Variants in LPIN1 observed in about 807,000 individuals in gnomAD.
The protein encoded by LPIN1 is phosphatidate phosphatase LPIN1.
LPIN1 carries 71 observed loss-of-function variants against 107.5 expected under a neutral mutation model. That is an observed-to-expected ratio of 0.66 (90% CI 0.55 to 0.80). The LOEUF (loss-of-function observed/expected upper bound fraction) is 0.80. Ranked by LOEUF, LPIN1 falls within the 30% of genes least tolerant of loss-of-function variation. The pLI, the probability that LPIN1 is intolerant of heterozygous loss-of-function variation, is 0.00. For synonymous variants in LPIN1, 445 were observed against 452.6 expected, an observed-to-expected ratio of 0.98 and a Z score of 0.21; for missense variants, 1,043 against 1,160.6, an observed-to-expected ratio of 0.90 and a Z score of 1.47.
chr2:11,796,639 G>A (rs964602047), intron 14 of LPIN1, among the ~76,000 whole-genome samples: 4 of 152,042 alleles, frequency 2.6e-5, no homozygotes, highest in African/African-American at 9.7e-5. Flanking sequence ...CTGACCCACC[G>A]CTGGTCTGTG....
At chr2:11,821,512 G>T (rs1039104698) in intron 20 of LPIN1, among the ~76,000 whole-genome samples, 7 of 152,208 alleles carry the variant, frequency 4.6e-5, no homozygotes, top group African/African-American at 1.7e-4. Flanking sequence ...GCTAGACTCT[G>T]TCTCAAAAAA....
chr2:11,713,459 CA>C (rs527237024), intron 1 of LPIN1, among the ~76,000 whole-genome samples: 160 of 152,270 alleles, frequency 1.1e-3, no homozygotes, highest in Non-Finnish European at 5.9e-4. Flanking sequence ...TTAGTAGAGA[CA>C]GGGTTTTGCC....
At chr2:11,714,181 G>A (rs189906700) in intron 2 of LPIN1, among the ~76,000 whole-genome samples, 24 of 152,266 alleles carry the variant, frequency 1.6e-4, no homozygotes, top group Non-Finnish European at 2.5e-4. Context: ...GATCCTTACC[G>A]CAAATGCAGT....
intron 9 of LPIN1, chr2:11,784,407 G>A (rs1056490722): frequency 2.7e-6 from 3 of 1,113,388 alleles, no homozygotes; most frequent in South Asian, 4.8e-5. Context: ...GGTACTGGGC[G>A]GCGCCCCACC....
intron 1 of LPIN1, among the ~76,000 whole-genome samples, chr2:11,755,730 T>C (rs1209396271): frequency 6.6e-6 from 1 of 151,758 alleles, no homozygotes; most frequent in Non-Finnish European, 1.5e-5. Flanking sequence ...GTTCTTTTTT[T>C]TTTTTTTTTG....
At chr2:11,804,673 C>T (rs576372395) in intron 16 of LPIN1, 102 bp downstream of exon 16, 44 of 1,281,130 alleles carry the variant, frequency 3.4e-5, no homozygotes, top group Middle Eastern at 2.6e-4. Context: ...GGGACTTGCA[C>T]GGTTCGAATT....
intron 1 of LPIN1, among the ~76,000 whole-genome samples, chr2:11,687,143 A>G (rs1367923947): frequency 1.3e-5 from 2 of 151,838 alleles, no homozygotes; most frequent in East Asian, 1.9e-4. Context: ...GACAACAGGT[A>G]CACACCATCA....
At chr2:11,732,973 G>A (rs142265945) in intron 1 of LPIN1, among the ~76,000 whole-genome samples, 238 of 150,824 alleles carry the variant, frequency 1.6e-3, no homozygotes, top group African/African-American at 5.6e-3. Context: ...AGGTCCCTCC[G>A]ACCAATATTT....
At position 11,782,383 on chromosome 2, in the gene LPIN1, T is replaced by A; in HGVS notation, c.1140T>A (p.Asn380Lys). 3.1e-6 allele frequency: 5 copies of A among 1,614,202 alleles called. No individual in the cohort carries two copies. The highest frequency in any genetic ancestry group is 4.2e-6 in the Non-Finnish European group (5 of 1,180,028). The change falls in exon 8 of 21, where the codon AAT becomes AAA. Residue 380 changes from asparagine (N) to lysine (K), a missense_variant. Coordinates refer to ENST00000674199, the MANE Select transcript of LPIN1 (RefSeq NM_001349206.2). ...NKPQTEMQFVNEEDLETLGAA... is the reference protein window; with the variant it reads ...NKPQTEMQFVKEEDLETLGAA... ...CTCAGACAGAAATGCAGTTTGTGAATGAAGAAGACCTGGAGACCTTAGGAG... is the reference window on the plus strand; with the variant it reads ...CTCAGACAGAAATGCAGTTTGTGAAAGAAGAAGACCTGGAGACCTTAGGAG...
rs115521500 is a variant in LPIN1, at chr2:11,783,835, G to A, written c.1271G>A (p.Arg424Gln). The part of the protein sequence containing the change: ...TDSPSRKRDK[R>Q]SRHLGADGVY... ...GAGCCATTTGCCGTTTTAGATAAAC[G>A]AAGCCGACATCTTGGTGCTGACGGC... The change falls in exon 9 of 21, where the codon CGA becomes CAA. Residue 424 changes from arginine (R) to glutamine (Q), a missense_variant. By Grantham distance (43) the Arg-to-Gln change is conservative (BLOSUM62 1). Coordinates refer to ENST00000674199, the MANE Select transcript of LPIN1 (RefSeq NM_001349206.2). The A allele has an allele frequency of 1.2e-4, 199 of 1,614,070 alleles. No homozygotes were observed. Among genetic ancestry groups the A allele is most frequent in the South Asian group, 2.0e-4 (18 of 91,082 alleles).
At chr2:11,804,998 T>C (rs894140531) in intron 16 of LPIN1, 72 bp from the exon 17 acceptor site, 6 of 900,292 alleles carry the variant, frequency 6.7e-6, no homozygotes, top group Admixed American at 6.0e-5. Context: ...TTTTTTTTTT[T>C]ATGAGGCATG....
intron 1 of LPIN1, among the ~76,000 whole-genome samples, chr2:11,702,833 G>C (rs1459225961): frequency 6.6e-6 from 1 of 152,090 alleles, no homozygotes; most frequent in African/African-American, 2.4e-5. Context: ...AGCTACTCTT[G>C]TTTGCCAATC....
chr2:11,789,701 C>T (rs549733410), intron 12 of LPIN1, among the ~76,000 whole-genome samples: 1 of 152,216 alleles, frequency 6.6e-6, no homozygotes, highest in East Asian at 1.9e-4. Flanking sequence ...TTTGTCCCTG[C>T]CATGGTATCC....
intron 14 of LPIN1, among the ~76,000 whole-genome samples, chr2:11,797,706 T>C (rs181336428): frequency 1.2e-4 from 18 of 152,370 alleles, no homozygotes; most frequent in African/African-American, 4.1e-4. Context: ...AGGAAGCAAC[T>C]CACTTGCTTT....
At chr2:11,704,393 CG>C (rs1663026717) in intron 1 of LPIN1, among the ~76,000 whole-genome samples, 1 of 152,160 alleles carries the variant, frequency 6.6e-6, no homozygotes, top group Admixed American at 6.5e-5. Flanking sequence ...AGGCCCCACC[CG>C]GGGGAGGCAG....
intron 7 of LPIN1, among the ~76,000 whole-genome samples, chr2:11,779,942 T>C (rs1238297799): frequency 6.6e-6 from 1 of 151,784 alleles, no homozygotes; most frequent in Non-Finnish European, 1.5e-5. Context: ...GGGCAATGGC[T>C]CTATCTTGGC....
intron 1 of LPIN1, among the ~76,000 whole-genome samples, chr2:11,679,819 CT>C (rs1661616295): frequency 6.6e-6 from 1 of 152,244 alleles, no homozygotes; most frequent in South Asian, 2.1e-4. Flanking sequence ...GGAGTCTGGC[CT>C]GCTTCCTCTC....
At chr2:11,687,912 C>T (rs1351760002) in intron 1 of LPIN1, among the ~76,000 whole-genome samples, 1 of 152,244 alleles carries the variant, frequency 6.6e-6, no homozygotes, top group Non-Finnish European at 1.5e-5. Context: ...GAGAGGACAC[C>T]GGGGGCTGAA....
chr2:11,789,515 T>C (rs1206468040), intron 12 of LPIN1, among the ~76,000 whole-genome samples: 1 of 151,828 alleles, frequency 6.6e-6, no homozygotes, highest in African/African-American at 2.4e-5. Flanking sequence ...TGTGCATGTA[T>C]GTGTGGATGT....
Sources: allele counts gnomAD v4.1 joint callset (sites outside exome capture counted in the v4.1 genomes callset), GRCh38; gene constraint gnomAD v4.1.1; transcripts MANE v1.5; gene names NCBI Gene and HGNC (gene_info 2026-07-23, HGNC 2026-07-21).